The following SUGCT variants were observed in gnomAD, a reference collection of about 807,000 sequenced individuals.
SUGCT encodes succinyl-CoA:glutarate-CoA transferase, also known as succinyl-CoA:glutarate CoA-transferase.
Under a neutral mutation model 55.0 loss-of-function variants are expected in SUGCT, and 41 were observed. That is an observed-to-expected ratio of 0.74 (90% confidence interval 0.58 to 0.97). SUGCT has a LOEUF of 0.97. Among genes scored for constraint, SUGCT ranks in the 50% least tolerant of loss-of-function variants. The pLI is 0.00. For missense variants in SUGCT, 568 were observed against 547.8 expected, an observed-to-expected ratio of 1.04 and a Z score of -0.37; for synonymous variants, 187 against 200.4, an observed-to-expected ratio of 0.93 and a Z score of 0.56.
the SUGCT span, among the ~76,000 whole-genome samples, chr7:40,981,182 G>T: frequency 6.6e-6 from 1 of 152,156 alleles, no homozygotes; most frequent in Non-Finnish European, 1.5e-5. Context: ...CCTGGCCTGT[G>T]CACTCTGGAC....
At chr7:40,957,710 G>C in the SUGCT span, among the ~76,000 whole-genome samples, 6 of 152,030 alleles carry the variant, frequency 3.9e-5, 1 homozygote, top group South Asian at 1.3e-3. Context: ...TCAATAACCA[G>C]TTAGCTGGTT....
At chr7:40,819,027 C>T (rs1791832404) in intron 13 of SUGCT, among the ~76,000 whole-genome samples, 1 of 151,120 alleles carries the variant, frequency 6.6e-6, no homozygotes, top group African/African-American at 2.4e-5. Context: ...TCTGTCCTTG[C>T]AATAGTTTGC....
At chr7:40,953,351 G>A in the SUGCT span, among the ~76,000 whole-genome samples, 1 of 152,116 alleles carries the variant, frequency 6.6e-6, no homozygotes, top group Non-Finnish European at 1.5e-5. Flanking sequence ...TTAGCCATTT[G>A]TCTCATCTTT....
At chr7:40,537,542 A>G (rs1029948814) in intron 12 of SUGCT, among the ~76,000 whole-genome samples, 1 of 152,210 alleles carries the variant, frequency 6.6e-6, no homozygotes, top group Admixed American at 6.5e-5. Flanking sequence ...AGAATCTTAA[A>G]TGCAGATGTA....
At chr7:40,967,894 GA>G in the SUGCT span, among the ~76,000 whole-genome samples, 9 of 152,120 alleles carry the variant, frequency 5.9e-5, no homozygotes, top group African/African-American at 2.2e-4. Context: ...ATAACCACAA[GA>G]ACCCACTCCT....
At chr7:40,818,290 A>C (rs1457917755) in intron 13 of SUGCT, among the ~76,000 whole-genome samples, 1 of 152,128 alleles carries the variant, frequency 6.6e-6, no homozygotes, top group Non-Finnish European at 1.5e-5. Context: ...CCATCTCTAG[A>C]CCAGCTCTTT....
At chr7:40,898,401 C>T in the SUGCT span, among the ~76,000 whole-genome samples, 14 of 146,838 alleles carry the variant, frequency 9.5e-5, no homozygotes, top group South Asian at 4.2e-4. Context: ...GAAGAAACTC[C>T]GGACACATCA....
At chr7:41,018,570 T>C in the SUGCT span, among the ~76,000 whole-genome samples, 1 of 152,186 alleles carries the variant, frequency 6.6e-6, no homozygotes. Flanking sequence ...TTTTACTGAG[T>C]TGCGACTGTG....
chr7:40,808,055 C>T (rs1346071086), intron 13 of SUGCT: 1 of 152,190 alleles, frequency 6.6e-6, no homozygotes, highest in African/African-American at 2.4e-5. Flanking sequence ...CATAGACACA[C>T]CGAGGAACAA....
At chr7:40,969,311 G>A in the SUGCT span, among the ~76,000 whole-genome samples, 1,862 of 152,130 alleles carry the variant, frequency 0.012, 41 homozygotes, top group African/African-American at 0.042. Flanking sequence ...TCAAATTTAC[G>A]TGTGTTCTAT....
chr7:40,856,584 C>T (rs1157843601), intron 13 of SUGCT, among the ~76,000 whole-genome samples: 2 of 152,056 alleles, frequency 1.3e-5, no homozygotes, highest in Non-Finnish European at 2.9e-5. Context: ...TAAGTTAAAC[C>T]AAAGTTGGGA....
At chr7:41,019,950 G>T in the SUGCT span, among the ~76,000 whole-genome samples, 1 of 152,108 alleles carries the variant, frequency 6.6e-6, no homozygotes, top group Non-Finnish European at 1.5e-5. Flanking sequence ...TTCCTAGCTG[G>T]CTGTCACTTG....
intron 3 of SUGCT, among the ~76,000 whole-genome samples, chr7:40,188,210 G>A (rs1024018244): frequency 6.6e-6 from 1 of 152,016 alleles, no homozygotes; most frequent in African/African-American, 2.4e-5. Context: ...GAAGCGGGTG[G>A]ATCACCTGAG....
At chr7:40,429,486 AGGGAAGCT>A (rs1253320323) in intron 9 of SUGCT, among the ~76,000 whole-genome samples, 1 of 152,196 alleles carries the variant, frequency 6.6e-6, no homozygotes, top group Non-Finnish European at 1.5e-5. Flanking sequence ...CCTCAAAAGT[AGGGAAGCT>A]GACAGTGCAG....
intron 13 of SUGCT, among the ~76,000 whole-genome samples, chr7:40,777,960 T>C (rs1358217537): frequency 1.3e-5 from 2 of 152,086 alleles, no homozygotes; most frequent in Non-Finnish European, 2.9e-5. Context: ...GTCACTCCCC[T>C]CCTCAGCATA....
intron 12 of SUGCT, among the ~76,000 whole-genome samples, chr7:40,604,392 T>C (rs1278874835): frequency 6.6e-6 from 1 of 152,148 alleles, no homozygotes; most frequent in Non-Finnish European, 1.5e-5. Context: ...TCACTGGCCC[T>C]TCCTCTTACA....
chr7:40,222,549 T>G (rs1464389979), intron 6 of SUGCT, among the ~76,000 whole-genome samples: 1 of 152,214 alleles, frequency 6.6e-6, no homozygotes, highest in Non-Finnish European at 1.5e-5. Flanking sequence ...CAGATATTTC[T>G]CAAATCAAAA....
chr7:40,298,009 T>C lies in SUGCT; in HGVS notation c.721-18751T>C, dbSNP rs139235133. Among the ~76,000 whole-genome samples the C allele has an allele frequency of 4.4e-3, 662 of 152,072 alleles. 1 individual carries two copies. The highest frequency in any genetic ancestry group is 0.015 in the African/African-American group (637 of 41,496). ...CATGTAACCTCAAAACATGTTCATGTCCTTCCTTTCCTTTCCCTTCCTTCC... is the reference window on the plus strand; with the variant it reads ...CATGTAACCTCAAAACATGTTCATGCCCTTCCTTTCCTTTCCCTTCCTTCC... On this transcript the variant is annotated intron_variant, in intron 8 of 13. Transcript: ENST00000335693.
intron 6 of SUGCT, among the ~76,000 whole-genome samples, chr7:40,219,663 A>T (rs2150821161): frequency 6.6e-6 from 1 of 152,276 alleles, no homozygotes; most frequent in African/African-American, 2.4e-5. Context: ...TCACGGGGGT[A>T]GGGGTGGTGA....
Sources: allele counts gnomAD v4.1 joint callset (sites outside exome capture counted in the v4.1 genomes callset), GRCh38; gene constraint gnomAD v4.1.1; transcripts MANE v1.5; gene names NCBI Gene and HGNC (gene_info 2026-07-23, HGNC 2026-07-21).